Variants in TAFA4 observed in about 807,000 individuals in gnomAD.
The protein encoded by TAFA4 is TAFA chemokine like family member 4.
TAFA4 carries 20 observed loss-of-function variants against 21.1 expected under a neutral mutation model. That is an observed-to-expected ratio of 0.95 (90% confidence interval 0.67 to 1.38). The LOEUF (loss-of-function observed/expected upper bound fraction) is 1.38, where lower values mean the gene tolerates loss of function less well. Among genes scored for constraint, TAFA4 ranks in the 40% most tolerant of loss-of-function variants. The pLI is 0.00. For synonymous variants in TAFA4, 71 were observed against 67.4 expected (o/e 1.05, Z -0.26); for missense variants, 211 against 180.9 (o/e 1.17, Z -0.95).
intron 3 of TAFA4, among the ~76,000 whole-genome samples, chr3:68,826,607 T>C (rs1366573596): frequency 6.7e-6 from 1 of 149,758 alleles, no homozygotes; most frequent in African/African-American, 2.5e-5. Flanking sequence ...CTCAGAAAGA[T>C]ATTATGCAAA....
chr3:68,833,922 C>T (rs1284871070), intron 3 of TAFA4, among the ~76,000 whole-genome samples: 3 of 152,132 alleles, frequency 2.0e-5, no homozygotes, highest in Non-Finnish European at 4.4e-5. Flanking sequence ...AAAGTGTTGA[C>T]CAAAATGTGA....
chr3:68,922,110 C>G (rs1559564282), intron 1 of TAFA4, among the ~76,000 whole-genome samples: 2 of 152,198 alleles, frequency 1.3e-5, no homozygotes, highest in Non-Finnish European at 2.9e-5. Context: ...TCAACCTAAT[C>G]AAAACAACCT....
chr3:68,918,928 C>G lies in TAFA4; in HGVS notation c.-123+13312G>C, dbSNP rs573370846. On this transcript the variant is annotated intron_variant, in intron 1 of 5. Coordinates refer to ENST00000295569, the MANE Select transcript of TAFA4 (RefSeq NM_182522.5). ...AATTCACTTTGTTTTTTAAAAATAC[C>G]ATATACACAGACATATACAGCATCC... Among the ~76,000 whole-genome samples, 4 of 152,084 alleles carry G rather than the reference C, an allele frequency of 2.6e-5. No homozygotes were observed. In the South Asian group the frequency reaches 8.3e-4, roughly 32 times the overall value.
At chr3:68,830,256 T>C (rs1158462092) in intron 3 of TAFA4, among the ~76,000 whole-genome samples, 2 of 151,218 alleles carry the variant, frequency 1.3e-5, no homozygotes, top group Admixed American at 6.6e-5. Flanking sequence ...CTCTTGCTTC[T>C]CTAGTTCTTT....
chr3:68,779,655 A>T (rs142839717), intron 3 of TAFA4, among the ~76,000 whole-genome samples: 219 of 152,322 alleles, frequency 1.4e-3, no homozygotes, highest in African/African-American at 5.0e-3. Flanking sequence ...AGGTGTACAC[A>T]AGTCAAGAAT....
rs1048461260 is a variant in TAFA4 at position 68,841,245 on chromosome 3, C to T, written c.130+39485G>A. ...GGCTGAGGCAGGAGAATGGCGTGAACCCGGGAGGCGGAGCTTGCAGTGAGC... is the reference window on the plus strand; with the variant it reads ...GGCTGAGGCAGGAGAATGGCGTGAATCCGGGAGGCGGAGCTTGCAGTGAGC... On this transcript the variant is annotated intron_variant, in intron 3 of 5. Coordinates refer to ENST00000295569, the MANE Select transcript of TAFA4 (RefSeq NM_182522.5). 8.9e-4 allele frequency among the ~76,000 whole-genome samples: 72 copies of T among 80,828 alleles called. 9 individuals are homozygous for T. Among genetic ancestry groups the T allele is most frequent in the African/African-American group, 2.9e-3 (70 of 24,374 alleles). 53.0% of individuals were successfully genotyped at this position (80,828 alleles called of 152,430 possible). A position where few individuals can be genotyped will look rare whatever the true frequency, so the allele number is the denominator to read the frequency against.
In TAFA4 at chr3:68,888,635, T is replaced by C. The variant is rs140154521; in HGVS notation, c.-122-3325A>G. Among the ~76,000 whole-genome samples the C allele has an allele frequency of 1.8e-3, 275 of 152,290 alleles. 1 individual carries two copies. The highest frequency in any genetic ancestry group is 6.4e-3 in the African/African-American group (267 of 41,576). On this transcript the variant is annotated intron_variant, in intron 1 of 5. Transcript: ENST00000295569. ...TACCTTTAAAAAAATCTATTTCTCA[T>C]AGTTCCAGAACTGGGAAGTCTAATA...
chr3:68,920,879 G>A (rs2090054842), intron 1 of TAFA4, among the ~76,000 whole-genome samples: 1 of 152,062 alleles, frequency 6.6e-6, no homozygotes, highest in Non-Finnish European at 1.5e-5. Context: ...AAAAAAATTA[G>A]GACAATTTTG....
At chr3:68,751,160 G>T (rs910110379) in intron 4 of TAFA4, among the ~76,000 whole-genome samples, 4 of 152,342 alleles carry the variant, frequency 2.6e-5, no homozygotes, top group Admixed American at 6.5e-5. Context: ...AAGAACTCTG[G>T]ATTGCCTAGG....
intron 3 of TAFA4, among the ~76,000 whole-genome samples, chr3:68,846,542 T>G (rs1247053705): frequency 6.6e-6 from 1 of 152,110 alleles, no homozygotes; most frequent in Non-Finnish European, 1.5e-5. Flanking sequence ...TCATTCTCCA[T>G]CCAGTTTTGT....
chr3:68,797,559 G>C (rs1458403316), intron 3 of TAFA4, among the ~76,000 whole-genome samples: 3 of 144,962 alleles, frequency 2.1e-5, no homozygotes, highest in African/African-American at 7.8e-5. Context: ...GTTGCAGTGA[G>C]CTGAGATCAT....
chr3:68,753,714 A>G (rs1399995739), intron 3 of TAFA4, among the ~76,000 whole-genome samples: 1 of 152,152 alleles, frequency 6.6e-6, no homozygotes, highest in East Asian at 1.9e-4. Flanking sequence ...AGCCCTGAAA[A>G]GCAGACAGAT....
chr3:68,839,362 T>C (rs541770529), intron 3 of TAFA4, among the ~76,000 whole-genome samples: 1 of 152,324 alleles, frequency 6.6e-6, no homozygotes, highest in East Asian at 1.9e-4. Context: ...AGTTACATTA[T>C]TATATGGGGA....
intron 5 of TAFA4, among the ~76,000 whole-genome samples, chr3:68,736,316 G>C (rs1702240401): frequency 6.6e-6 from 1 of 151,800 alleles, no homozygotes; most frequent in South Asian, 2.1e-4. Context: ...CCCAAAAGAA[G>C]CAGTAGCTGC....
intron 3 of TAFA4, among the ~76,000 whole-genome samples, chr3:68,822,042 C>T (rs965293740): frequency 6.6e-6 from 1 of 152,122 alleles, no homozygotes; most frequent in African/African-American, 2.4e-5. Context: ...TATGCTTGCT[C>T]TTTTTATATG....
chr3:68,895,996 T>C lies in TAFA4; in HGVS notation c.-122-10686A>G, dbSNP rs13063744. Among the ~76,000 whole-genome samples the C allele has an allele frequency of 6.0e-3, 906 of 152,232 alleles. 5 individuals carry two copies. The highest frequency in any genetic ancestry group is 0.011 in the South Asian group (51 of 4,812). ...TGTGACATCATGGTGAATTACATAA[T>C]GTGACTTTCCAAGGGAAGCATATTC... On this transcript the variant is annotated intron_variant, in intron 1 of 5. Transcript: ENST00000295569.
At chr3:68,911,099 G>A (rs1317950068) in intron 1 of TAFA4, among the ~76,000 whole-genome samples, 1 of 152,114 alleles carries the variant, frequency 6.6e-6, no homozygotes, top group Non-Finnish European at 1.5e-5. Flanking sequence ...ACATGTTAAG[G>A]GCACGGTTCA....
At chr3:68,752,829 G>T in intron 4 of TAFA4, 34 bp downstream of exon 4, 1 of 1,613,778 alleles carries the variant, frequency 6.2e-7, no homozygotes, top group Non-Finnish European at 8.5e-7. Context: ...TGGCCTTTTT[G>T]AAATACCAGA....
chr3:68,903,166 A>G (rs1291620868), intron 1 of TAFA4, among the ~76,000 whole-genome samples: 1 of 152,156 alleles, frequency 6.6e-6, no homozygotes, highest in African/African-American at 2.4e-5. Context: ...GGTAGTCAGA[A>G]GCTGGAGCAA....
Sources: gnomAD v4.1 joint callset for allele counts (sites outside exome capture counted in the v4.1 genomes callset) on GRCh38, gnomAD v4.1.1 for gene constraint, MANE v1.5 for transcripts, NCBI Gene and HGNC (gene_info 2026-07-23, HGNC 2026-07-21) for gene names.